The following LRGUK variants were observed in gnomAD, a reference collection of about 807,000 sequenced individuals.
LRGUK encodes the protein leucine-rich repeat and guanylate kinase domain-containing protein.
LRGUK carries 65 observed loss-of-function variants against 76.0 expected under a neutral mutation model. The observed-to-expected ratio is 0.85, with a 90% CI of 0.70 to 1.05. The LOEUF (loss-of-function observed/expected upper bound fraction) is 1.05, where lower values mean the gene tolerates loss of function less well. Among genes scored for constraint, LRGUK ranks in the 50% least tolerant of loss-of-function variants. The pLI, the probability that LRGUK is intolerant of heterozygous loss-of-function variation, is 0.00. For synonymous variants in LRGUK, 268 were observed against 265.6 expected (o/e 1.01, Z -0.09); for missense variants, 758 against 732.8 (o/e 1.03, Z -0.40).
In LRGUK at chr7:134,168,716, G is replaced by A. The variant is rs1320547399; in HGVS notation, c.939+5176G>A. ...GGATGAGGAAGAAGATGTGGCTGAG[G>A]ATGACTCCCGGGTTTGCAGCTCAGG... On this transcript the variant is annotated intron_variant, in intron 7 of 15. Transcript: ENST00000645682. Among the ~76,000 whole-genome samples, 3 of 152,094 alleles carry A rather than the reference G, an allele frequency of 2.0e-5. No individual in the cohort carries two copies. In the East Asian group the frequency reaches 5.8e-4, roughly 29 times the overall value.
rs1041269518 is a variant in LRGUK at position 134,155,933 on chromosome 7, TAGA to T, written c.671-2098_671-2096del. On this transcript the variant is annotated intron_variant, in intron 5 of 15. Coordinates refer to ENST00000645682, the Ensembl canonical transcript of LRGUK. ...TTAACGGAAGGAGATAGCTGGAGAT[TAGA>T]AGATGACCAGGAGAGGCTTTGAGGA... 5.4e-4 allele frequency among the ~76,000 whole-genome samples: 82 copies of T among 152,314 alleles called. 1 individual carries two copies. Among genetic ancestry groups the T allele is most frequent in the African/African-American group, 1.8e-3 (76 of 41,584 alleles).
chr7:134,189,243 G>A (rs1365639793), intron 11 of LRGUK, among the ~76,000 whole-genome samples: 1 of 152,190 alleles, frequency 6.6e-6, no homozygotes, highest in Non-Finnish European at 1.5e-5. Context: ...TAATGAATAT[G>A]TGGAAAGATT....
chr7:134,157,265 T>C (rs1376557360), intron 5 of LRGUK, among the ~76,000 whole-genome samples: 1 of 152,188 alleles, frequency 6.6e-6, no homozygotes, highest in Non-Finnish European at 1.5e-5. Context: ...AACAGGGTAT[T>C]GGTCTTTGGA....
At chr7:134,147,905 C>T (rs1798043496) in intron 4 of LRGUK, among the ~76,000 whole-genome samples, 1 of 151,672 alleles carries the variant, frequency 6.6e-6, no homozygotes, top group South Asian at 2.1e-4. Flanking sequence ...ACTAAAAATA[C>T]AAAAAAATTA....
intron 1 of LRGUK, among the ~76,000 whole-genome samples, chr7:134,132,162 CATA>C (rs1400544900): frequency 2.0e-5 from 3 of 152,014 alleles, no homozygotes; most frequent in Non-Finnish European, 4.4e-5. Flanking sequence ...GTCTAGGTAA[CATA>C]ATAAGACCCT....
intron 15 of LRGUK, among the ~76,000 whole-genome samples, chr7:134,207,518 T>G (rs559420797): frequency 8.3e-4 from 127 of 152,314 alleles, no homozygotes; most frequent in African/African-American, 2.8e-3. Context: ...AGGGAAGCCT[T>G]TCTTTGTTCC....
intron 19 of LRGUK, among the ~76,000 whole-genome samples, chr7:134,259,021 G>T (rs940810761): frequency 4.6e-5 from 7 of 152,152 alleles, no homozygotes; most frequent in African/African-American, 1.4e-4. Context: ...AAGAGGCTTT[G>T]GTGAGGTAGA....
At chr7:134,145,455 C>T (rs554909604) in intron 4 of LRGUK, among the ~76,000 whole-genome samples, 1 of 152,228 alleles carries the variant, frequency 6.6e-6, no homozygotes, top group South Asian at 2.1e-4. Flanking sequence ...CCATGTTGAC[C>T]AGGCTGGTCT....
intron 7 of LRGUK, among the ~76,000 whole-genome samples, chr7:134,166,178 A>G (rs896445078): frequency 6.6e-6 from 1 of 152,098 alleles, no homozygotes; most frequent in Admixed American, 6.5e-5. Flanking sequence ...TCTGCTTCTC[A>G]TATGATTAAT....
exon 10 of LRGUK, chr7:134,178,568 T>C (rs765644406): frequency 6.8e-6 from 11 of 1,613,260 alleles, no homozygotes; most frequent in East Asian, 2.2e-5. Flanking sequence ...ACCTGACCCA[T>C]GTTGTCAACA....
intron 1 of LRGUK, among the ~76,000 whole-genome samples, chr7:134,128,192 C>T (rs1398601034): frequency 6.6e-6 from 1 of 151,942 alleles, no homozygotes; most frequent in Non-Finnish European, 1.5e-5. Context: ...TTACTTCTGT[C>T]GGGGGCATAT....
exon 17 of LRGUK, chr7:134,247,617 G>C: frequency 6.2e-7 from 1 of 1,613,494 alleles, no homozygotes; most frequent in Non-Finnish European, 8.5e-7. Context: ...GGAAGGATAC[G>C]CCCTGATCAC....
At chr7:134,207,872 C>T (rs1563183207) in intron 15 of LRGUK, among the ~76,000 whole-genome samples, 1 of 152,150 alleles carries the variant, frequency 6.6e-6, no homozygotes, top group African/African-American at 2.4e-5. Context: ...CCCCAGAATC[C>T]GTCTAGTGAA....
downstream of LRGUK, among the ~76,000 whole-genome samples, chr7:134,214,855 T>C (rs1452877657): frequency 6.6e-6 from 1 of 151,976 alleles, no homozygotes; most frequent in Non-Finnish European, 1.5e-5. Context: ...CCTTACATTC[T>C]ATTTTGATTT....
In LRGUK at chr7:134,178,949, C is replaced by CCAAAAAAAAAAAAAA. The variant is rs1390449010; in HGVS notation, c.1214+342_1214+343insAAAAAAAAAAAAACA. Among the ~76,000 whole-genome samples the CCAAAAAAAAAAAAAA allele has an allele frequency of 1.7e-3, 143 of 84,024 alleles. 1 individual carries two copies. The highest frequency in any genetic ancestry group is 6.7e-3 in the African/African-American group (139 of 20,774). 55.1% of individuals were successfully genotyped at this position (84,024 alleles called of 152,430 possible). A position where few individuals can be genotyped will look rare whatever the true frequency, so the allele number is the denominator to read the frequency against. On this transcript the variant is annotated intron_variant, in intron 10 of 15. Transcript: ENST00000645682. ...CTCAAAAAAAAAAAAAAAAAAAAAA[C>CCAAAAAAAAAAAAAA]CAGGACCAATTTTTCTGCCTTAGGA...
chr7:134,205,273 G>A (rs989687654), intron 15 of LRGUK, among the ~76,000 whole-genome samples: 9 of 152,084 alleles, frequency 5.9e-5, no homozygotes, highest in Non-Finnish European at 1.2e-4. Context: ...TGTAAGACAG[G>A]AAAGTTCCTG....
intron 7 of LRGUK, among the ~76,000 whole-genome samples, chr7:134,165,783 G>A (rs1798953657): frequency 1.3e-5 from 2 of 152,138 alleles, no homozygotes; most frequent in African/African-American, 4.8e-5. Context: ...TACCATATGG[G>A]ACAGCACAGA....
At chr7:134,274,441 G>A in the LRGUK span, among the ~76,000 whole-genome samples, 2 of 152,118 alleles carry the variant, frequency 1.3e-5, no homozygotes, top group African/African-American at 4.8e-5. Flanking sequence ...CAGTGGAATT[G>A]AAAAGAAAAT....
chr7:134,244,649 T>A (rs1802246716), intron 16 of LRGUK, among the ~76,000 whole-genome samples: 1 of 152,206 alleles, frequency 6.6e-6, no homozygotes, highest in African/African-American at 2.4e-5. Flanking sequence ...AGTGTGGTGA[T>A]TCCTCAAGCA....
Sources: gnomAD v4.1 joint callset for allele counts (sites outside exome capture counted in the v4.1 genomes callset) on GRCh38, gnomAD v4.1.1 for gene constraint, MANE v1.5 for transcripts, NCBI Gene and HGNC (gene_info 2026-07-23, HGNC 2026-07-21) for gene names.